Variants in CHMP3 observed in about 807,000 individuals in gnomAD.
The protein encoded by CHMP3 is 25.1 protein.
Under a neutral mutation model 27.4 loss-of-function variants are expected in CHMP3, and 8 were observed. The ratio of observed to expected loss-of-function variants is 0.29; its 90% CI spans 0.17 to 0.53. The LOEUF is 0.53. Ranked by LOEUF, CHMP3 falls within the 20% of genes least tolerant of loss-of-function variation. CHMP3 has a pLI of 0.96. For missense variants in CHMP3, 208 were observed against 271.5 expected, an observed-to-expected ratio of 0.77 and a Z score of 1.64; for synonymous variants, 86 against 85.5, an observed-to-expected ratio of 1.01 and a Z score of -0.03.
chr2:86,523,398 C>T (rs769767505), intron 3 of CHMP3, among the ~76,000 whole-genome samples: 1 of 152,096 alleles, frequency 6.6e-6, no homozygotes, highest in Non-Finnish European at 1.5e-5. Flanking sequence ...TATAAATATC[C>T]ATTTGATTAT....
In CHMP3 at chr2:86,563,393, C is replaced by A; in HGVS notation, c.-45G>T. 1.2e-6 allele frequency: 2 copies of A among 1,602,572 alleles called. No individual in the cohort carries two copies. Among genetic ancestry groups the A allele is most frequent in the East Asian group, 4.5e-5 (2 of 44,826 alleles). ...GCCCCTTCCGGCTTTCAGTTCCCCGCGCCCAGGCAGGTCACGGGCAGCCGC... is the reference window on the plus strand; with the variant it reads ...GCCCCTTCCGGCTTTCAGTTCCCCGAGCCCAGGCAGGTCACGGGCAGCCGC... On this transcript the variant is annotated 5_prime_UTR_variant, in exon 1 of 6. Coordinates refer to ENST00000263856, the MANE Select transcript of CHMP3 (RefSeq NM_016079.4).
chr2:86,523,288 T>G (rs1263956369), intron 3 of CHMP3, among the ~76,000 whole-genome samples: 2 of 152,202 alleles, frequency 1.3e-5, no homozygotes, highest in Non-Finnish European at 2.9e-5. Context: ...ACAAACTTAA[T>G]AGTTCATCTT....
intron 3 of CHMP3, among the ~76,000 whole-genome samples, chr2:86,516,910 C>T (rs901719064): frequency 6.6e-6 from 1 of 152,200 alleles, no homozygotes; most frequent in Non-Finnish European, 1.5e-5. Flanking sequence ...GGCAACATGA[C>T]GGATTCTTGT....
chr2:86,561,406 C>A (rs553173045), intron 1 of CHMP3, among the ~76,000 whole-genome samples: 1 of 152,270 alleles, frequency 6.6e-6, no homozygotes, highest in Admixed American at 6.5e-5. Flanking sequence ...TTAATTCACT[C>A]TACAATCTTG....
At chr2:86,526,119 G>A (rs1322741892) in intron 3 of CHMP3, among the ~76,000 whole-genome samples, 2 of 152,222 alleles carry the variant, frequency 1.3e-5, no homozygotes, top group Admixed American at 6.5e-5. Flanking sequence ...ATTGTTATGG[G>A]TGTACATTTA....
chr2:86,540,479 T>C (rs758372820), intron 2 of CHMP3, among the ~76,000 whole-genome samples: 2 of 152,250 alleles, frequency 1.3e-5, no homozygotes, highest in East Asian at 3.9e-4. Context: ...CATCATACCA[T>C]GCATCATACC....
At chr2:86,508,426 G>C (rs982971478) in intron 4 of CHMP3, among the ~76,000 whole-genome samples, 1 of 152,210 alleles carries the variant, frequency 6.6e-6, no homozygotes, top group African/African-American at 2.4e-5. Context: ...GGTCGGAACA[G>C]CAACCTCCAA....
At chr2:86,527,381 A>G (rs1675755949) in intron 3 of CHMP3, 1 of 152,232 alleles carries the variant, frequency 6.6e-6, no homozygotes, top group Non-Finnish European at 1.5e-5. Context: ...TAGAGGGAAA[A>G]AGGCAAAATA....
chr2:86,556,641 G>A (rs981190429), intron 1 of CHMP3, among the ~76,000 whole-genome samples: 5 of 152,142 alleles, frequency 3.3e-5, no homozygotes, highest in East Asian at 3.9e-4. Flanking sequence ...TTAATCATCC[G>A]CCAGCAGGAC....
chr2:86,531,206 G>A (rs568240226), intron 2 of CHMP3, among the ~76,000 whole-genome samples: 2 of 151,100 alleles, frequency 1.3e-5, no homozygotes, highest in South Asian at 2.1e-4. Flanking sequence ...ATGGGGTTTC[G>A]CCACGTTGCC....
chr2:86,534,196 CTTTTTTTTTTT>C (rs33977886), intron 2 of CHMP3, among the ~76,000 whole-genome samples: 48 of 66,942 alleles, frequency 7.2e-4, no homozygotes, highest in African/African-American at 2.3e-3. Context: ...TGCTTTATTT[CTTTTTTTTTTT>C]TTTTTTTTTT....
chr2:86,545,885 G>A (rs565711508), intron 1 of CHMP3, among the ~76,000 whole-genome samples: 12 of 151,914 alleles, frequency 7.9e-5, no homozygotes, highest in African/African-American at 1.9e-4. Context: ...CAGACAGGGC[G>A]GCCGGGCAGA....
At chr2:86,532,889 G>C (rs1362710054) in intron 2 of CHMP3, among the ~76,000 whole-genome samples, 1 of 152,186 alleles carries the variant, frequency 6.6e-6, no homozygotes, top group African/African-American at 2.4e-5. Context: ...CTGGTCTATA[G>C]TTTTCTTGCA....
At chr2:86,552,142 GT>G (rs1204027979) in intron 1 of CHMP3, among the ~76,000 whole-genome samples, 5 of 152,236 alleles carry the variant, frequency 3.3e-5, no homozygotes, top group Non-Finnish European at 2.9e-5. Flanking sequence ...AAATGTATAA[GT>G]TTTTCAGTAT....
In CHMP3 at chr2:86,505,645, C is replaced by A; in HGVS notation, c.*159G>T. On this transcript the variant is annotated 3_prime_UTR_variant, in exon 6 of 6. Coordinates refer to ENST00000263856, the MANE Select transcript of CHMP3 (RefSeq NM_016079.4). ...TTTATTTATGCCACTTTTATAAGAA[C>A]AATCCCTTTGCGATCCCAAAACCTG... 2.1e-6 allele frequency: 2 copies of A among 973,332 alleles called. No individual in the cohort carries two copies. Among genetic ancestry groups the A allele is most frequent in the South Asian group, 3.3e-5 (1 of 30,704 alleles). The allele number at this position is 973,332 out of a possible 1,614,324, so 60.3% of individuals were successfully genotyped here.
At position 86,560,325 on chromosome 2, in the gene CHMP3, CATCA is replaced by C. The variant is rs201804742; in HGVS notation, c.45+2975_45+2978del. ...AAGACTTGGAACCAACCCAAATGTC[CATCA>C]ATCATAGACTGGATTAAGAAAATGT... On this transcript the variant is annotated intron_variant, in intron 1 of 5. Coordinates refer to ENST00000263856, the MANE Select transcript of CHMP3 (RefSeq NM_016079.4). Among the ~76,000 whole-genome samples the C allele has an allele frequency of 5.5e-4, 84 of 152,214 alleles. 1 individual carries two copies. In the East Asian group the frequency reaches 0.015, roughly 27 times the overall value.
At chr2:86,512,404 A>C (rs1160120475) in intron 3 of CHMP3, 1 of 152,312 alleles carries the variant, frequency 6.6e-6, no homozygotes. Flanking sequence ...AACTGCATGA[A>C]ATAAAATTCT....
At chr2:86,550,420 G>C (rs1676860278) in intron 1 of CHMP3, among the ~76,000 whole-genome samples, 1 of 151,660 alleles carries the variant, frequency 6.6e-6, no homozygotes, top group Admixed American at 6.6e-5. Flanking sequence ...GAGAAAGGGA[G>C]AGGGAGAAAG....
chr2:86,525,370 C>T (rs1202313703), intron 3 of CHMP3, among the ~76,000 whole-genome samples: 3 of 152,060 alleles, frequency 2.0e-5, no homozygotes, highest in Non-Finnish European at 4.4e-5. Context: ...ATGTGGGTTA[C>T]GCTACAGGTA....
Sources: gnomAD v4.1 joint callset for allele counts (sites outside exome capture counted in the v4.1 genomes callset) on GRCh38, gnomAD v4.1.1 for gene constraint, MANE v1.5 for transcripts, NCBI Gene and HGNC (gene_info 2026-07-23, HGNC 2026-07-21) for gene names.